Variants in SSPN observed in about 807,000 individuals in gnomAD.
The protein encoded by SSPN is K-ras oncogene-associated protein.
In SSPN, 15 loss-of-function variants were observed where a neutral mutation model predicts 19.1. That is an observed-to-expected ratio of 0.78 (90% CI 0.52 to 1.21). The LOEUF is 1.21. SSPN is among the 50% of genes most tolerant of loss of function. SSPN has a pLI of 0.00. For synonymous variants in SSPN, 147 were observed against 140.3 expected (o/e 1.05, Z -0.34); for missense variants, 291 against 314.0 (o/e 0.93, Z 0.55).
At chr12:26,196,269 G>A (rs1944829557) in intron 1 of SSPN, among the ~76,000 whole-genome samples, 1 of 152,198 alleles carries the variant, frequency 6.6e-6, no homozygotes, top group African/African-American at 2.4e-5. Flanking sequence ...TAACAACAGC[G>A]GATTCATTCG....
At position 26,201,026 on chromosome 12, in the gene SSPN, T is replaced by A. The variant is rs1339071300; in HGVS notation, c.279+5075T>A. On this transcript the variant is annotated intron_variant, in intron 1 of 2. Transcript: ENST00000242729. ...GTTAATTTGTGTATATATATATATA[T>A]ATATATATATATATATATATTATAT... Among the ~76,000 whole-genome samples the A allele has an allele frequency of 2.5e-4, 11 of 44,786 alleles. 1 individual carries two copies. The highest frequency in any genetic ancestry group is 8.6e-4 in the African/African-American group (11 of 12,852). 29.4% of individuals were successfully genotyped at this position (44,786 alleles called of 152,430 possible).
At chr12:26,197,426 A>G (rs2137458854) in intron 1 of SSPN, among the ~76,000 whole-genome samples, 1 of 152,374 alleles carries the variant, frequency 6.6e-6, no homozygotes, top group Admixed American at 6.5e-5. Context: ...AGGCACCTCA[A>G]TGACGATCCA....
chr12:26,129,259 A>G (rs147963665), intron 1 of SSPN, among the ~76,000 whole-genome samples: 9 of 152,358 alleles, frequency 5.9e-5, no homozygotes, highest in African/African-American at 2.2e-4. Context: ...AGAGCGGACA[A>G]GAATCTGCAG....
chr12:26,130,526 G>A (rs1295673143), intron 1 of SSPN, among the ~76,000 whole-genome samples: 1 of 152,132 alleles, frequency 6.6e-6, no homozygotes. Flanking sequence ...TTATTTAATA[G>A]CTAAAGCGAA....
Position 26,195,797 on chromosome 12 carries a change from A to G in SSPN, c.125A>G (p.Glu42Gly). 1 of 1,529,570 alleles carries G rather than the reference A, an allele frequency of 6.5e-7. No individual in the cohort carries two copies. The highest frequency in any genetic ancestry group is 8.8e-7 in the Non-Finnish European group (1 of 1,141,172). 94.7% of individuals were successfully genotyped at this position (1,529,570 alleles called of 1,614,324 possible). Reference protein sequence around the residue: ...GTGAPKECGEEEPRTCCGCRF... With the variant: ...GTGAPKECGEGEPRTCCGCRF... ...GGGGCCCCCAAGGAGTGCGGGGAGG[A>G]GGAGCCCCGGACCTGCTGCGGCTGC... The change falls in exon 1 of 3, where the codon GAG becomes GGG. Residue 42 changes from glutamate (E) to glycine (G), a missense_variant. Around this residue, in one of 3 missense-constraint regions of SSPN, gnomAD observed 139 missense variants for 119.6 expected, o/e 1.16. Transcript: ENST00000242729.
chr12:26,127,600 T>C (rs4963957), intron 1 of SSPN, among the ~76,000 whole-genome samples: 149,258 of 152,282 alleles, frequency 0.98, 73,217 homozygotes, highest in East Asian at 1. Context: ...CCTTTACATA[T>C]TCACCTTTTA....
At chr12:26,139,757 G>A (rs1409541788) in intron 1 of SSPN, among the ~76,000 whole-genome samples, 2 of 152,156 alleles carry the variant, frequency 1.3e-5, no homozygotes, top group African/African-American at 2.4e-5. Context: ...AGGAACTGAT[G>A]GGCTTTGATT....
rs943247318 is a variant in SSPN at position 26,233,006 on chromosome 12, A to C, written c.*1930A>C. ...TTTGGTTGAGTTTCCTACACAAAGA[A>C]GAAAATAACTGAGAATCTGGAATGT... On this transcript the variant is annotated 3_prime_UTR_variant, in exon 3 of 3. Transcript: ENST00000242729. The surrounding 1 kb of genome is among the most constrained non-coding windows in gnomAD (Gnocchi z 4.3). The C allele has an allele frequency of 2.0e-5, 3 of 151,892 alleles. No homozygotes were observed. Among genetic ancestry groups the C allele is most frequent in the African/African-American group, 7.3e-5 (3 of 41,352 alleles). 9.4% of individuals were successfully genotyped at this position (151,892 alleles called of 1,614,324 possible).
intron 1 of SSPN, among the ~76,000 whole-genome samples, chr12:26,161,338 G>T (rs1365193505): frequency 1.3e-5 from 2 of 151,828 alleles, no homozygotes; most frequent in East Asian, 3.9e-4. Context: ...AACCCACCAG[G>T]TACCTATGCC....
At chr12:26,215,890 T>C (rs1945042636) in intron 1 of SSPN, among the ~76,000 whole-genome samples, 1 of 152,224 alleles carries the variant, frequency 6.6e-6, no homozygotes, top group Non-Finnish European at 1.5e-5. Flanking sequence ...TAAATTTCTT[T>C]ATGGGGAAAC....
At chr12:26,218,554 G>A (rs1033678315) in intron 1 of SSPN, among the ~76,000 whole-genome samples, 1 of 151,324 alleles carries the variant, frequency 6.6e-6, no homozygotes, top group Non-Finnish European at 1.5e-5. Flanking sequence ...AAAATTCTGA[G>A]GATAAGACCA....
intron 1 of SSPN, among the ~76,000 whole-genome samples, chr12:26,221,138 A>G (rs762149487): frequency 6.6e-6 from 1 of 152,094 alleles, no homozygotes; most frequent in Non-Finnish European, 1.5e-5. Flanking sequence ...TTTTCTCTGC[A>G]CTGGACCTAG....
intron 1 of SSPN, among the ~76,000 whole-genome samples, chr12:26,167,185 T>C (rs984360176): frequency 1.3e-5 from 2 of 152,248 alleles, no homozygotes; most frequent in Non-Finnish European, 2.9e-5. Flanking sequence ...ACTAGAATAT[T>C]ATTGAGGCAT....
At chr12:26,188,541 T>TTTTCATCCTA (rs1270471576) in intron 1 of SSPN, among the ~76,000 whole-genome samples, 2 of 152,344 alleles carry the variant, frequency 1.3e-5, no homozygotes, top group East Asian at 3.9e-4. Context: ...AAAACCTAAT[T>TTTTCATCCTA]ATAATTCATC....
At chr12:26,158,843 T>G (rs12371499) in intron 1 of SSPN, among the ~76,000 whole-genome samples, 4,432 of 152,356 alleles carry the variant, frequency 0.029, 95 homozygotes, top group Non-Finnish European at 0.045. Context: ...CCTCATACCA[T>G]GGGCAGGACA....
At position 26,231,921 on chromosome 12, in the gene SSPN, AC is replaced by A; in HGVS notation, c.*846del. On this transcript the variant is annotated 3_prime_UTR_variant, in exon 3 of 3. Coordinates refer to ENST00000242729, the MANE Select transcript of SSPN (RefSeq NM_005086.5). ...TATTTAATGAGCTCTGACTGTACTT[AC>A]GCTGCACTGTCGGTGTTAAGAGAAA... The A allele has an allele frequency of 1.0e-6, 1 of 984,998 alleles. No homozygotes were observed. The allele number at this position is 984,998 out of a possible 1,614,324, so 61.0% of individuals were successfully genotyped here.
Position 26,195,643 on chromosome 12 carries a change from A to ACCCCCC in SSPN, c.-27_-26insCCCCCC. 8.3e-6 allele frequency: 2 copies of ACCCCCC among 242,024 alleles called. No individual in the cohort carries two copies. Among genetic ancestry groups the ACCCCCC allele is most frequent in the South Asian group, 6.4e-5 (1 of 15,712 alleles). 15.0% of individuals were successfully genotyped at this position (242,024 alleles called of 1,614,324 possible). On this transcript the variant is annotated 5_prime_UTR_variant, in exon 1 of 3. Coordinates refer to ENST00000242729, the MANE Select transcript of SSPN (RefSeq NM_005086.5). ...CCAGGGCCCAGGGCGCCGCACACGC[A>ACCCCCC]CCCACCCACCCACCCAGCCTCGCAG...
intron 2 of SSPN, among the ~76,000 whole-genome samples, chr12:26,227,445 T>G (rs1945189695): frequency 1.3e-5 from 2 of 152,336 alleles, no homozygotes; most frequent in South Asian, 4.1e-4. Flanking sequence ...ATGGTTTTTC[T>G]TTATGTTCTC....
At chr12:26,147,274 T>TG (rs1418549320) in intron 1 of SSPN, among the ~76,000 whole-genome samples, 48 of 81,894 alleles carry the variant, frequency 5.9e-4, no homozygotes, top group South Asian at 3.2e-3. Context: ...GGGGTTTTTT[T>TG]TGTGTTTTTT....
Sources: gnomAD v4.1 joint callset for allele counts (sites outside exome capture counted in the v4.1 genomes callset) on GRCh38, gnomAD v4.1.1 for gene constraint, gnomAD v4.1.1 regional missense constraint, Gnocchi (gnomAD v3.1) non-coding constraint, MANE v1.5 for transcripts, NCBI Gene and HGNC (gene_info 2026-07-23, HGNC 2026-07-21) for gene names.